SRGAP1: variants seen among roughly 807,000 people sequenced by gnomAD.
The protein encoded by SRGAP1 is SLIT-ROBO Rho GTPase activating protein 1, also known as SLIT-ROBO Rho GTPase-activating protein 1.
A neutral mutation model predicts 121.9 loss-of-function variants in SRGAP1; 43 were observed. The observed-to-expected ratio is 0.35, with a 90% CI of 0.28 to 0.46. The LOEUF (loss-of-function observed/expected upper bound fraction) is 0.46, where lower values mean the gene tolerates loss of function less well. Ranked by LOEUF, SRGAP1 falls within the 20% of genes least tolerant of loss-of-function variation. SRGAP1 has a pLI of 1.00. For missense variants in SRGAP1, 1,102 were observed against 1,350.9 expected, an observed-to-expected ratio of 0.82 and a Z score of 2.89; for synonymous variants, 447 against 485.4, an observed-to-expected ratio of 0.92 and a Z score of 1.04.
chr12:64,128,953 C>T (rs1274912224), intron 21 of SRGAP1, among the ~76,000 whole-genome samples: 1 of 152,122 alleles, frequency 6.6e-6, no homozygotes, highest in African/African-American at 2.4e-5. Flanking sequence ...GCTCTTTTCA[C>T]AGCACAGGCC....
At chr12:63,995,759 T>C (rs942146120) in intron 3 of SRGAP1, among the ~76,000 whole-genome samples, 1 of 152,144 alleles carries the variant, frequency 6.6e-6, no homozygotes, top group Non-Finnish European at 1.5e-5. Context: ...TGACTCACTT[T>C]AGGTATTGCT....
intron 1 of SRGAP1, among the ~76,000 whole-genome samples, chr12:63,873,679 A>T (rs995275280): frequency 1.1e-4 from 17 of 151,668 alleles, no homozygotes; most frequent in Middle Eastern, 3.4e-3. Flanking sequence ...TTATTTATTT[A>T]TTTTTTTGAG....
intron 4 of SRGAP1, among the ~76,000 whole-genome samples, chr12:64,035,811 C>A (rs1001324568): frequency 6.6e-6 from 1 of 152,122 alleles, no homozygotes; most frequent in Non-Finnish European, 1.5e-5. Flanking sequence ...TGCTGCTTTG[C>A]CTTTGGGAGA....
intron 1 of SRGAP1, among the ~76,000 whole-genome samples, chr12:63,950,422 CT>C (rs950098272): frequency 6.6e-6 from 1 of 152,086 alleles, no homozygotes; most frequent in African/African-American, 2.4e-5. Context: ...ATACCACAAG[CT>C]TTTTGTGCTT....
At chr12:64,124,155 T>C (rs973117430) in intron 18 of SRGAP1, among the ~76,000 whole-genome samples, 1 of 152,240 alleles carries the variant, frequency 6.6e-6, no homozygotes, top group African/African-American at 2.4e-5. Flanking sequence ...TATAATAAGG[T>C]GAAGCCTAAG....
At chr12:64,072,133 T>TGTGTGTGC in intron 8 of SRGAP1, among the ~76,000 whole-genome samples, 1 of 89,164 alleles carries the variant, frequency 1.1e-5, no homozygotes, top group Non-Finnish European at 2.6e-5. Context: ...TGTGTGTGTG[T>TGTGTGTGC]GTGTGTGTGT....
intron 3 of SRGAP1, among the ~76,000 whole-genome samples, chr12:64,011,449 A>G (rs2034249137): frequency 6.6e-6 from 1 of 152,156 alleles, no homozygotes; most frequent in Non-Finnish European, 1.5e-5. Flanking sequence ...ATCTTCTAAC[A>G]TGTATCAGGA....
intron 1 of SRGAP1, among the ~76,000 whole-genome samples, chr12:63,861,899 A>G (rs1899466117): frequency 6.6e-6 from 1 of 152,126 alleles, no homozygotes. Context: ...AGGTGGGTGG[A>G]TCACCTGAGG....
rs766791541 is a variant in SRGAP1 at position 64,128,247 on chromosome 12, A to G, written c.2880+47A>G. 66 of 1,483,320 alleles carry G rather than the reference A, an allele frequency of 4.4e-5. 1 individual carries two copies. In the South Asian group the frequency reaches 8.3e-4, roughly 19 times the overall value. The allele number at this position is 1,483,320 out of a possible 1,614,324, so 91.9% of individuals were successfully genotyped here. The stretch of plus-strand genomic sequence containing the variant: ...ATTGCATTTTAAGTACCTAAGTGTG[A>G]TGTAGGAGGTGTGAAAGATTTACTT... On this transcript the variant is annotated intron_variant, in intron 21 of 21. Transcript: ENST00000355086.
intron 17 of SRGAP1, among the ~76,000 whole-genome samples, chr12:64,112,254 G>A (rs1952314394): frequency 6.6e-6 from 1 of 152,084 alleles, no homozygotes; most frequent in Non-Finnish European, 1.5e-5. Flanking sequence ...GTTATGTAGA[G>A]CTATGTTAAC....
At chr12:63,950,996 ATT>A (rs566092286) in intron 1 of SRGAP1, among the ~76,000 whole-genome samples, 2 of 131,972 alleles carry the variant, frequency 1.5e-5, no homozygotes, top group Non-Finnish European at 3.3e-5. Context: ...CAATTGTCTG[ATT>A]TTTTTTTTTT....
rs374131087 is a variant in SRGAP1 at position 63,935,162 on chromosome 12, C to T, written c.68-48785C>T. Among the ~76,000 whole-genome samples, 13 of 151,946 alleles carry T rather than the reference C, an allele frequency of 8.6e-5. No individual in the cohort carries two copies. The East Asian group carries it at 1.9e-3, about 23-fold the overall frequency. ...CAGAGCCTGGCACACAGTAGATGTT[C>T]AAAAAGTAAATGTTTTTTTAAATAA... is the stretch of plus-strand genomic sequence containing the variant. On this transcript the variant is annotated intron_variant, in intron 1 of 21. Transcript: ENST00000355086.
At chr12:63,869,683 C>T (rs968774103) in intron 1 of SRGAP1, among the ~76,000 whole-genome samples, 1 of 152,152 alleles carries the variant, frequency 6.6e-6, no homozygotes, top group Non-Finnish European at 1.5e-5. Flanking sequence ...CAGAAGAAAG[C>T]TTGGGTTTAT....
rs1486759940 is a variant in SRGAP1 at position 64,161,054 on chromosome 12, T to A, written c.*18382T>A. ...GTGGATCTATTTTGATTCATTGTACTGAAGACCATTTCAGCCCATCTTACA... is the reference window on the plus strand; with the variant it reads ...GTGGATCTATTTTGATTCATTGTACAGAAGACCATTTCAGCCCATCTTACA... On this transcript the variant is annotated 3_prime_UTR_variant, in exon 22 of 22. Coordinates refer to ENST00000355086, the MANE Select transcript of SRGAP1 (RefSeq NM_020762.4). 6.6e-6 allele frequency: 1 copy of A among 152,232 alleles called. No individual in the cohort carries two copies. Among genetic ancestry groups the A allele is most frequent in the Admixed American group, 6.5e-5 (1 of 15,288 alleles). The allele number at this position is 152,232 out of a possible 1,614,324, so 9.4% of individuals were successfully genotyped here.
chr12:63,935,961 C>T (rs1452872199), intron 1 of SRGAP1, among the ~76,000 whole-genome samples: 1 of 151,972 alleles, frequency 6.6e-6, no homozygotes, highest in Non-Finnish European at 1.5e-5. Flanking sequence ...TCAACAGTCA[C>T]AAACAGAAAA....
chr12:64,009,718 T>C (rs1011737621), intron 3 of SRGAP1, among the ~76,000 whole-genome samples: 4 of 151,362 alleles, frequency 2.6e-5, no homozygotes, highest in South Asian at 4.2e-4. Flanking sequence ...TTCCTTCTAA[T>C]TTCTCCTTTT....
intron 1 of SRGAP1, among the ~76,000 whole-genome samples, chr12:63,961,207 C>G (rs954134999): frequency 7.2e-5 from 11 of 152,202 alleles, no homozygotes; most frequent in African/African-American, 2.4e-4. Context: ...TCCATAGCCA[C>G]ACGCAGCCAG....
chr12:64,124,368 C>T (rs1160025666), intron 18 of SRGAP1, among the ~76,000 whole-genome samples: 3 of 152,196 alleles, frequency 2.0e-5, no homozygotes, highest in Admixed American at 2.0e-4. Flanking sequence ...AAGACAACTT[C>T]CCGGGGAATT....
At chr12:63,923,414 A>G (rs1472790974) in intron 1 of SRGAP1, among the ~76,000 whole-genome samples, 1 of 152,164 alleles carries the variant, frequency 6.6e-6, no homozygotes, top group Non-Finnish European at 1.5e-5. Flanking sequence ...GGCACTTTTT[A>G]ATTTAAGGGG....
Sources: allele counts gnomAD v4.1 joint callset (sites outside exome capture counted in the v4.1 genomes callset), GRCh38; gene constraint gnomAD v4.1.1; transcripts MANE v1.5; gene names NCBI Gene and HGNC (gene_info 2026-07-23, HGNC 2026-07-21).